The following NLGN1 variants were observed in gnomAD, a reference collection of about 807,000 sequenced individuals.
NLGN1 encodes neuroligin-1.
In NLGN1, 12 loss-of-function variants were observed where a neutral mutation model predicts 65.5. The observed-to-expected ratio is 0.18, with a 90% CI of 0.12 to 0.30. The LOEUF (loss-of-function observed/expected upper bound fraction) is 0.30. Ranked by LOEUF, NLGN1 falls within the 10% of genes least tolerant of loss-of-function variation. NLGN1 has a pLI of 1.00. For missense variants in NLGN1, 750 were observed against 1,007.1 expected (o/e 0.74, Z 3.46); for synonymous variants, 350 against 359.5 (o/e 0.97, Z 0.30).
rs140631830 is a variant in NLGN1 at position 174,212,973 on chromosome 3, C to T, written c.647-62342C>T. On this transcript the variant is annotated intron_variant, in intron 4 of 6. Coordinates refer to ENST00000457714, the Ensembl canonical transcript of NLGN1. Reference sequence around the variant, plus strand: ...CCTTTCTCTTTGACACTTAAAGGCCCCTGTGATTACATTAGACCCACCTGG... The same window carrying T: ...CCTTTCTCTTTGACACTTAAAGGCCTCTGTGATTACATTAGACCCACCTGG... Among the ~76,000 whole-genome samples, 7 of 152,228 alleles carry T rather than the reference C, an allele frequency of 4.6e-5. No homozygotes were observed. The East Asian group carries it at 1.4e-3, about 30-fold the overall frequency.
chr3:174,215,550 T>G (rs10222599), intron 4 of NLGN1, among the ~76,000 whole-genome samples: 93,259 of 152,060 alleles, frequency 0.61, 30,209 homozygotes, highest in East Asian at 0.77. Context: ...AAAGTATTTA[T>G]TTTGTACTGA....
At chr3:174,233,263 C>T (rs536207579) in intron 4 of NLGN1, among the ~76,000 whole-genome samples, 5 of 152,086 alleles carry the variant, frequency 3.3e-5, no homozygotes, top group African/African-American at 9.6e-5. Context: ...GGGAGGAGTT[C>T]GACCTGAGGT....
At chr3:173,529,788 A>T (rs916729442) in intron 2 of NLGN1, among the ~76,000 whole-genome samples, 2 of 151,954 alleles carry the variant, frequency 1.3e-5, no homozygotes, top group Non-Finnish European at 2.9e-5. Context: ...CTTTGTGTAG[A>T]GAAGGGGAGG....
Position 173,653,102 on chromosome 3 carries a change from T to G in NLGN1, c.493+48011T>G, listed in dbSNP as rs565782942. On this transcript the variant is annotated intron_variant, in intron 3 of 6. Transcript: ENST00000457714. ...GTATATCTATTTTGTATTCTGAAAC[T>G]TCACTGAATTTATTTATCAAATCTA... 1.7e-4 allele frequency among the ~76,000 whole-genome samples: 26 copies of G among 152,346 alleles called. 1 individual carries two copies. In the South Asian group the frequency reaches 5.4e-3, roughly 32 times the overall value.
intron 3 of NLGN1, among the ~76,000 whole-genome samples, chr3:173,753,459 C>G (rs1355740251): frequency 6.6e-6 from 1 of 152,142 alleles, no homozygotes; most frequent in African/African-American, 2.4e-5. Flanking sequence ...TACACCATAT[C>G]TAATTTGCCA....
At chr3:173,785,752 T>A (rs1781852247) in intron 3 of NLGN1, among the ~76,000 whole-genome samples, 1 of 152,148 alleles carries the variant, frequency 6.6e-6, no homozygotes, top group South Asian at 2.1e-4. Context: ...TTTACAGTAT[T>A]CTTACAAAAT....
intron 4 of NLGN1, among the ~76,000 whole-genome samples, chr3:173,860,706 A>T (rs1728882948): frequency 6.6e-6 from 1 of 152,174 alleles, no homozygotes; most frequent in South Asian, 2.1e-4. Context: ...GTCTGTAATA[A>T]AGAGAACTGA....
At chr3:173,552,614 A>G (rs1399259260) in intron 2 of NLGN1, among the ~76,000 whole-genome samples, 1 of 152,168 alleles carries the variant, frequency 6.6e-6, no homozygotes, top group Non-Finnish European at 1.5e-5. Flanking sequence ...ACTCTCCACA[A>G]GGCCAGAGTT....
At chr3:173,667,380 T>A (rs1761857327) in intron 3 of NLGN1, among the ~76,000 whole-genome samples, 1 of 152,038 alleles carries the variant, frequency 6.6e-6, no homozygotes, top group Non-Finnish European at 1.5e-5. Context: ...TTAAAAAAAC[T>A]AATTTTGGAC....
chr3:174,066,564 C>CTCTG (rs1553925385), intron 4 of NLGN1, among the ~76,000 whole-genome samples: 1,186 of 99,658 alleles, frequency 0.012, 18 homozygotes, highest in East Asian at 0.015. Context: ...CTCTCTCTCT[C>CTCTG]TGTGTGTGTG....
chr3:174,012,361 T>G (rs189757559), intron 4 of NLGN1, among the ~76,000 whole-genome samples: 2 of 152,286 alleles, frequency 1.3e-5, no homozygotes, highest in East Asian at 3.9e-4. Flanking sequence ...GTCCCTTAAA[T>G]TGATCTTTTT....
At chr3:173,566,458 T>C (rs932893207) in intron 2 of NLGN1, among the ~76,000 whole-genome samples, 2 of 152,202 alleles carry the variant, frequency 1.3e-5, no homozygotes, top group Admixed American at 6.5e-5. Flanking sequence ...CTTGCAAAAT[T>C]TGATTATTTA....
At chr3:173,700,514 A>G (rs529401645) in intron 3 of NLGN1, among the ~76,000 whole-genome samples, 1 of 152,232 alleles carries the variant, frequency 6.6e-6, no homozygotes. Flanking sequence ...TTATGTTTTC[A>G]TAATGAGTTC....
At position 174,209,623 on chromosome 3, in the gene NLGN1, C is replaced by CTTTTTTTTTTTTTTTTT. The variant is rs796169913; in HGVS notation, c.647-65682_647-65666dup. The stretch of plus-strand genomic sequence containing the variant: ...CCCTGGTGTCTATCAACCTTTCTTT[C>CTTTTTTTTTTTTTTTTT]TTTTTTTTTTTTTTTTTTTTTTTTT... On this transcript the variant is annotated intron_variant, in intron 4 of 6. Transcript: ENST00000457714. Among the ~76,000 whole-genome samples the CTTTTTTTTTTTTTTTTT allele has an allele frequency of 2.4e-4, 20 of 82,090 alleles. 1 individual carries two copies. The highest frequency in any genetic ancestry group is 9.2e-4 in the African/African-American group (19 of 20,612). The allele number at this position is 82,090 out of a possible 152,430, so 53.9% of individuals were successfully genotyped here.
At chr3:173,543,324 T>C (rs1400236745) in intron 2 of NLGN1, among the ~76,000 whole-genome samples, 1 of 152,162 alleles carries the variant, frequency 6.6e-6, no homozygotes, top group Non-Finnish European at 1.5e-5. Context: ...GTATTGCTAA[T>C]GAATCTATCA....
intron 4 of NLGN1, among the ~76,000 whole-genome samples, chr3:173,899,255 T>A (rs1736892687): frequency 6.6e-6 from 1 of 152,108 alleles, no homozygotes; most frequent in Admixed American, 6.6e-5. Flanking sequence ...TAGCATAAAT[T>A]TGTTGAACTT....
chr3:173,442,529 T>G (rs978474709), intron 2 of NLGN1, among the ~76,000 whole-genome samples: 1 of 152,316 alleles, frequency 6.6e-6, no homozygotes, highest in Non-Finnish European at 1.5e-5. Flanking sequence ...AACTTCACTT[T>G]GTTAGCATAT....
intron 1 of NLGN1, among the ~76,000 whole-genome samples, chr3:173,423,582 A>C (rs771050435): frequency 6.6e-6 from 1 of 152,164 alleles, no homozygotes; most frequent in Non-Finnish European, 1.5e-5. Flanking sequence ...TCCAAAATCC[A>C]GCAGGGTAAC....
chr3:173,593,862 A>G (rs974699906), intron 2 of NLGN1, among the ~76,000 whole-genome samples: 4 of 152,246 alleles, frequency 2.6e-5, no homozygotes, highest in African/African-American at 9.6e-5. Flanking sequence ...GTTGGCGGCA[A>G]GAGAAAATGA....
Sources: allele counts gnomAD v4.1 joint callset (sites outside exome capture counted in the v4.1 genomes callset), GRCh38; gene constraint gnomAD v4.1.1; transcripts MANE v1.5; gene names NCBI Gene and HGNC (gene_info 2026-07-23, HGNC 2026-07-21).